Variants in SMOC1 observed in about 807,000 individuals in gnomAD.
The protein encoded by SMOC1 is SPARC related modular calcium binding 1.
In SMOC1, 22 loss-of-function variants were observed where a neutral mutation model predicts 56.3. The observed-to-expected ratio is 0.39, with a 90% CI of 0.28 to 0.56. The LOEUF is 0.56. Ranked by LOEUF, SMOC1 falls within the 20% of genes least tolerant of loss-of-function variation. The pLI is 0.61. For missense variants in SMOC1, 509 were observed against 565.4 expected (o/e 0.90, Z 1.01); for synonymous variants, 193 against 215.0 (o/e 0.90, Z 0.89).
chr14:69,992,681 C>G (rs967709588), intron 6 of SMOC1, among the ~76,000 whole-genome samples: 1 of 152,172 alleles, frequency 6.6e-6, no homozygotes, highest in Non-Finnish European at 1.5e-5. Context: ...CTGGAAGGGC[C>G]CTCTGTTCTC....
chr14:69,961,248 T>A (rs1442541042), intron 3 of SMOC1, among the ~76,000 whole-genome samples: 1 of 140,948 alleles, frequency 7.1e-6, no homozygotes, highest in Non-Finnish European at 1.5e-5. Flanking sequence ...CATTCCTTTT[T>A]ATTGTCAAGC....
chr14:69,932,176 C>G (rs1199667070), intron 1 of SMOC1, among the ~76,000 whole-genome samples: 4 of 152,246 alleles, frequency 2.6e-5, no homozygotes, highest in African/African-American at 7.2e-5. Context: ...CTGTGTTTCG[C>G]AAAACACGAG....
intron 5 of SMOC1, among the ~76,000 whole-genome samples, chr14:69,988,102 G>A (rs1181736590): frequency 6.6e-6 from 1 of 152,176 alleles, no homozygotes; most frequent in Non-Finnish European, 1.5e-5. Context: ...CTGGTGGTGA[G>A]AATAGATGAG....
chr14:69,908,192 G>GACCCATTTGTA lies in SMOC1; in HGVS notation c.99+28415_99+28416insACCCATTTGTA, dbSNP rs1228928037. On this transcript the variant is annotated intron_variant, in intron 1 of 11. Coordinates refer to ENST00000361956, the MANE Select transcript of SMOC1 (RefSeq NM_001034852.3). ...ATATTGTAGAGACCCATTTTGTAAAGGACCAATATGCACAGAAAAAAGAGT... is the reference window on the plus strand; with the variant it reads ...ATATTGTAGAGACCCATTTTGTAAAGACCCATTTGTAGACCAATATGCACAGAAAAAAGAGT... 2.2e-3 allele frequency among the ~76,000 whole-genome samples: 334 copies of GACCCATTTGTA among 152,282 alleles called. 1 individual carries two copies. The highest frequency in any genetic ancestry group is 7.6e-3 in the African/African-American group (317 of 41,562).
intron 1 of SMOC1, among the ~76,000 whole-genome samples, chr14:69,903,931 T>G (rs1294781338): frequency 6.6e-6 from 1 of 150,424 alleles, no homozygotes; most frequent in African/African-American, 2.4e-5. Context: ...GAAAACCATC[T>G]AACCTACTGG....
intron 5 of SMOC1, among the ~76,000 whole-genome samples, chr14:69,985,143 G>A (rs554616245): frequency 1.2e-4 from 18 of 152,150 alleles, no homozygotes; most frequent in African/African-American, 4.3e-4. Flanking sequence ...CACACAAGAA[G>A]AGGCTCAGCA....
At chr14:69,968,537 A>T (rs1231763464) in intron 3 of SMOC1, among the ~76,000 whole-genome samples, 2 of 152,208 alleles carry the variant, frequency 1.3e-5, no homozygotes, top group Non-Finnish European at 2.9e-5. Context: ...TGCAGCCAAA[A>T]GGAAAACAGA....
chr14:69,903,939 T>TGGA (rs1029847827), intron 1 of SMOC1, among the ~76,000 whole-genome samples: 2 of 149,340 alleles, frequency 1.3e-5, no homozygotes, highest in African/African-American at 2.5e-5. Flanking sequence ...TCTAACCTAC[T>TGGA]GGAGGAGGAG....
At position 70,023,243 on chromosome 14, in the gene SMOC1, G is replaced by A. The variant is rs1885796697; in HGVS notation, c.1087G>A (p.Val363Ile). The A allele has an allele frequency of 5.6e-6, 9 of 1,614,146 alleles. No individual in the cohort carries two copies. The highest frequency in any genetic ancestry group is 2.2e-5 in the East Asian group (1 of 44,886). ...CCCCAGCCACACCCTGGAGGAGCGG[G>A]TAGTGCACTGGTATTTCAGCCAGCT... is the stretch of plus-strand genomic sequence containing the variant. ...PDPSHTLEER[V>I]VHWYFSQLDS... Residue 363 changes from valine to isoleucine, a missense_variant, in exon 11 of 12, where the codon GTA becomes ATA. Transcript: ENST00000361956.
intron 1 of SMOC1, among the ~76,000 whole-genome samples, chr14:69,930,758 TCG>T (rs1428672571): frequency 6.6e-6 from 1 of 152,160 alleles, no homozygotes; most frequent in East Asian, 1.9e-4. Context: ...GCAAGGACAC[TCG>T]CACCCCAGTG....
chr14:69,948,693 T>G (rs1882883174), intron 1 of SMOC1, among the ~76,000 whole-genome samples: 1 of 152,198 alleles, frequency 6.6e-6, no homozygotes, highest in Admixed American at 6.5e-5. Context: ...GTGTGTTCTC[T>G]TAAACCACGC....
At position 69,937,626 on chromosome 14, in the gene SMOC1, G is replaced by A. The variant is rs555858045; in HGVS notation, c.100-14512G>A. ...AGCGGTCATCAATCCTTGTCTGAGC[G>A]ACGCAGTGGGGATTTTCAGCTTGAG... On this transcript the variant is annotated intron_variant, in intron 1 of 11. Coordinates refer to ENST00000361956, the MANE Select transcript of SMOC1 (RefSeq NM_001034852.3). 2.0e-5 allele frequency among the ~76,000 whole-genome samples: 3 copies of A among 152,206 alleles called. No homozygotes were observed. The East Asian group carries it at 5.8e-4, about 29-fold the overall frequency.
At chr14:69,922,358 T>C (rs1436680107) in intron 1 of SMOC1, among the ~76,000 whole-genome samples, 1 of 152,240 alleles carries the variant, frequency 6.6e-6, no homozygotes, top group Non-Finnish European at 1.5e-5. Context: ...GTAAAGGTCT[T>C]GTGCATTATT....
intron 3 of SMOC1, among the ~76,000 whole-genome samples, chr14:69,970,229 T>A (rs1020165455): frequency 3.9e-5 from 6 of 152,150 alleles, no homozygotes; most frequent in African/African-American, 1.4e-4. Flanking sequence ...AGAGTTCTAT[T>A]TTCCAGAAAA....
chr14:69,918,009 G>A (rs1884731923), intron 1 of SMOC1, among the ~76,000 whole-genome samples: 1 of 152,048 alleles, frequency 6.6e-6, no homozygotes, highest in South Asian at 2.1e-4. Flanking sequence ...CCTTATTAAG[G>A]TCTAATTAAC....
chr14:70,013,772 C>G (rs1885415931), intron 10 of SMOC1, among the ~76,000 whole-genome samples: 1 of 152,170 alleles, frequency 6.6e-6, no homozygotes, highest in Non-Finnish European at 1.5e-5. Context: ...GCTGTTTAAT[C>G]TCAGAAGGTG....
intron 10 of SMOC1, among the ~76,000 whole-genome samples, chr14:70,019,171 T>C (rs1031639071): frequency 6.6e-6 from 1 of 152,192 alleles, no homozygotes; most frequent in Non-Finnish European, 1.5e-5. Context: ...AGAAGGCTCC[T>C]TGGGGCCAGT....
intron 1 of SMOC1, among the ~76,000 whole-genome samples, chr14:69,886,526 T>C (rs1453727558): frequency 6.6e-6 from 1 of 152,196 alleles, no homozygotes; most frequent in Admixed American, 6.5e-5. Flanking sequence ...TAAAAATAAG[T>C]GTGTTTGGTA....
At chr14:70,024,145 T>C (rs1394145833) in intron 11 of SMOC1, among the ~76,000 whole-genome samples, 1 of 152,126 alleles carries the variant, frequency 6.6e-6, no homozygotes, top group Non-Finnish European at 1.5e-5. Context: ...CTGGTCATAA[T>C]TCATTGGCTG....
Sources: allele counts gnomAD v4.1 joint callset (sites outside exome capture counted in the v4.1 genomes callset), GRCh38; gene constraint gnomAD v4.1.1; transcripts MANE v1.5; gene names NCBI Gene and HGNC (gene_info 2026-07-23, HGNC 2026-07-21).